PINX1: variants seen among roughly 807,000 people sequenced by gnomAD.
The protein encoded by PINX1 is PIN2 (TERF1) interacting telomerase inhibitor 1.
PINX1 carries 34 observed loss-of-function variants against 25.4 expected under a neutral mutation model. The observed-to-expected ratio is 1.34, with a 90% CI of 1.02 to 1.78. The LOEUF (loss-of-function observed/expected upper bound fraction) is 1.78. PINX1 is among the 40% of genes most tolerant of loss of function. PINX1 has a pLI of 0.00. For missense variants in PINX1, 592 were observed against 404.9 expected (o/e 1.46, Z -3.97); for synonymous variants, 197 against 147.7 (o/e 1.33, Z -2.42).
At chr8:10,808,463 A>G (rs1251462349) in intron 6 of PINX1, among the ~76,000 whole-genome samples, 1 of 152,258 alleles carries the variant, frequency 6.6e-6, no homozygotes, top group Non-Finnish European at 1.5e-5. Flanking sequence ...TTAAAAAATA[A>G]CAAGCATTTA....
At chr8:10,829,377 C>G (rs530502340) in intron 4 of PINX1, among the ~76,000 whole-genome samples, 4 of 151,420 alleles carry the variant, frequency 2.6e-5, no homozygotes, top group African/African-American at 9.7e-5. Flanking sequence ...TGGCCTTAAT[C>G]GTGGTTTATG....
At chr8:10,811,106 C>G (rs1458574123) in intron 6 of PINX1, among the ~76,000 whole-genome samples, 1 of 152,226 alleles carries the variant, frequency 6.6e-6, no homozygotes, top group Non-Finnish European at 1.5e-5. Context: ...GTGCTGGGCA[C>G]TTCGCTAAGA....
At position 10,834,706 on chromosome 8, in the gene PINX1, C is replaced by A; in HGVS notation, c.89G>T (p.Gly30Val). ...CCCCATCTTCTCTAGCATCCGCTGG[C>A]CAAACTTGGAATCGTCATTACTCCA... ...TAWSNDDSKF[G>V]QRMLEKMGWS... The change falls in exon 2 of 7, where the codon GGC (glycine) becomes GTC (valine). Residue 30 changes from glycine to valine, a missense_variant. By Grantham distance (109) the Gly-to-Val change is moderately radical. Coordinates refer to ENST00000314787, the MANE Select transcript of PINX1 (RefSeq NM_017884.6). 6.2e-7 allele frequency: 1 copy of A among 1,613,918 alleles called. No homozygotes were observed. The highest frequency in any genetic ancestry group is 8.5e-7 in the Non-Finnish European group (1 of 1,179,860).
chr8:10,765,950 G>A (rs1326503785), intron 6 of PINX1, 34 bp from the exon 7 acceptor site: 2 of 1,600,766 alleles, frequency 1.2e-6, no homozygotes, highest in South Asian at 1.1e-5. Context: ...AGGCAGGTAA[G>A]CATCAACTGT....
intron 6 of PINX1, among the ~76,000 whole-genome samples, chr8:10,790,882 G>A (rs967572761): frequency 6.6e-6 from 1 of 152,040 alleles, no homozygotes; most frequent in African/African-American, 2.4e-5. Context: ...GATGTCTAAT[G>A]GGGGCTCTCA....
chr8:10,789,128 G>C (rs953048874), intron 6 of PINX1, among the ~76,000 whole-genome samples: 4 of 152,166 alleles, frequency 2.6e-5, no homozygotes, highest in Non-Finnish European at 4.4e-5. Flanking sequence ...CATCTCATAG[G>C]CAGACAGAAC....
intron 6 of PINX1, among the ~76,000 whole-genome samples, chr8:10,784,301 A>G (rs923889352): frequency 6.6e-6 from 1 of 152,240 alleles, no homozygotes; most frequent in Non-Finnish European, 1.5e-5. Context: ...TAGAAGACTT[A>G]TAAGTGGCTC....
chr8:10,767,535 T>C (rs7350124), intron 6 of PINX1, among the ~76,000 whole-genome samples: 43,310 of 152,136 alleles, frequency 0.28, 6,594 homozygotes, highest in African/African-American at 0.33. Flanking sequence ...TGGAATTCCA[T>C]AGGGTGATTT....
chr8:10,771,229 A>C (rs902743312), intron 6 of PINX1: 1 of 152,148 alleles, frequency 6.6e-6, no homozygotes, highest in Non-Finnish European at 1.5e-5. Flanking sequence ...CTCAAAACAA[A>C]GGGATTGTGG....
In PINX1 at chr8:10,765,310, G is replaced by C. The variant is rs1800993787; in HGVS notation, c.*91C>G. Reference sequence around the variant, plus strand: ...CCACAAGATGCGCCCAGGCGCTCTGGGGTGAACTCTGCTGTGACTTCAGGC... The same window carrying C: ...CCACAAGATGCGCCCAGGCGCTCTGCGGTGAACTCTGCTGTGACTTCAGGC... On this transcript the variant is annotated 3_prime_UTR_variant, in exon 7 of 7. Transcript: ENST00000314787. The C allele has an allele frequency of 2.4e-6, 3 of 1,258,596 alleles. No homozygotes were observed. Among genetic ancestry groups the C allele is most frequent in the Non-Finnish European group, 2.1e-6 (2 of 932,014 alleles). 78.0% of individuals were successfully genotyped at this position (1,258,596 alleles called of 1,614,324 possible). A position where few individuals can be genotyped will look rare whatever the true frequency, so the allele number is the denominator to read the frequency against.
At chr8:10,824,280 T>C (rs1304312930) in intron 5 of PINX1, among the ~76,000 whole-genome samples, 1 of 152,210 alleles carries the variant, frequency 6.6e-6, no homozygotes, top group Non-Finnish European at 1.5e-5. Flanking sequence ...TAGTCCACCC[T>C]AGAGGAAACT....
chr8:10,767,769 G>C (rs1232755984), intron 6 of PINX1, among the ~76,000 whole-genome samples: 5 of 147,910 alleles, frequency 3.4e-5, no homozygotes, highest in Non-Finnish European at 7.5e-5. Flanking sequence ...CAGCCACACA[G>C]AGACAGGCTC....
At chr8:10,781,920 A>G (rs879363582) in intron 6 of PINX1, among the ~76,000 whole-genome samples, 2 of 151,650 alleles carry the variant, frequency 1.3e-5, no homozygotes, top group East Asian at 1.9e-4. Context: ...TAGCCAAGAC[A>G]TGGAAACATC....
rs572190395 is a variant in PINX1 at position 10,811,580 on chromosome 8, C to A, written c.471+8613G>T. 9.8e-4 allele frequency among the ~76,000 whole-genome samples: 150 copies of A among 152,302 alleles called. 1 individual carries two copies. The highest frequency in any genetic ancestry group is 3.4e-3 in the African/African-American group (140 of 41,562). On this transcript the variant is annotated intron_variant, in intron 6 of 6. Coordinates refer to ENST00000314787, the MANE Select transcript of PINX1 (RefSeq NM_017884.6). ...CAATTCGAGGAAGGGCTGGGCTGGG[C>A]AGTCCTGGCTCAGGGTCTCTCACGC...
chr8:10,778,573 T>C (rs1481213638), intron 6 of PINX1, among the ~76,000 whole-genome samples: 1 of 152,206 alleles, frequency 6.6e-6, no homozygotes, highest in Non-Finnish European at 1.5e-5. Context: ...GCTGGATTCA[T>C]GGTCTAAGTA....
At chr8:10,837,408 G>T (rs1423424334) in intron 1 of PINX1, among the ~76,000 whole-genome samples, 2 of 152,200 alleles carry the variant, frequency 1.3e-5, no homozygotes, top group South Asian at 4.1e-4. Context: ...TTTTCCTTTT[G>T]CCGGCTTTGC....
Position 10,765,112 on chromosome 8 carries a change from A to C in PINX1, c.*289T>G. The C allele has an allele frequency of 2.6e-6, 1 of 387,676 alleles. No individual in the cohort carries two copies. 24.0% of individuals were successfully genotyped at this position (387,676 alleles called of 1,614,324 possible). ...CACACACGTGTGCACACTTACATGA[A>C]TGCATGTATTTGTAATGATTATAAT... On this transcript the variant is annotated 3_prime_UTR_variant, in exon 7 of 7. Transcript: ENST00000314787.
chr8:10,770,077 G>C (rs1006127585), intron 6 of PINX1, among the ~76,000 whole-genome samples: 9 of 152,238 alleles, frequency 5.9e-5, no homozygotes, highest in African/African-American at 2.2e-4. Flanking sequence ...AAACTAGCAT[G>C]TACATTCACT....
chr8:10,811,207 C>G (rs1051147933), intron 6 of PINX1, among the ~76,000 whole-genome samples: 5 of 152,210 alleles, frequency 3.3e-5, no homozygotes, highest in Non-Finnish European at 7.3e-5. Flanking sequence ...GGTTAAATAA[C>G]TTGCCCCAAA....
Sources: gnomAD v4.1 joint callset for allele counts (sites outside exome capture counted in the v4.1 genomes callset) on GRCh38, gnomAD v4.1.1 for gene constraint, MANE v1.5 for transcripts, NCBI Gene and HGNC (gene_info 2026-07-23, HGNC 2026-07-21) for gene names.